Variants in HELZ2 observed in about 807,000 individuals in gnomAD.
The protein encoded by HELZ2 is 3'-5' exoribonuclease HELZ2.
Under a neutral mutation model 208.8 loss-of-function variants are expected in HELZ2, and 143 were observed. The observed-to-expected ratio is 0.68, with a 90% CI of 0.60 to 0.79. The LOEUF (loss-of-function observed/expected upper bound fraction) is 0.79, where lower values mean the gene tolerates loss of function less well. HELZ2 is among the 30% of genes least tolerant of loss of function. The pLI, the probability that HELZ2 is intolerant of heterozygous loss-of-function variation, is 0.00. For synonymous variants in HELZ2, 1,705 were observed against 1,693.7 expected (o/e 1.01, Z -0.16); for missense variants, 3,690 against 3,794.5 (o/e 0.97, Z 0.72).
chr20:63,573,348 T>G (rs556508508), upstream of HELZ2: 2 of 152,312 alleles, frequency 1.3e-5, no homozygotes, highest in East Asian at 3.9e-4. This position sits in a 1 kb window ranked among gnomAD's most constrained non-coding sequence, Gnocchi z 4.9. Flanking sequence ...AGCAGAGGCC[T>G]CTCCACCAAG....
chr20:63,564,326 T>TGCCGGCGCGGC lies in HELZ2; in HGVS notation c.4495_4496insGCCGCGCCGGC (p.His1499ArgfsTer31). On this transcript the variant is annotated frameshift_variant, in exon 8 of 19. Coordinates refer to ENST00000467148, the Ensembl canonical transcript of HELZ2. LOFTEE classifies it high-confidence loss of function. ...ATAGAAGCAGTCGGACCGCAGGCGG[T>TGCCGGCGCGGC]GCCGGCGCAGCAGCCGAGAGAAGTA... is the stretch of plus-strand genomic sequence containing the variant. The TGCCGGCGCGGC allele has an allele frequency of 6.3e-7, 1 of 1,589,058 alleles. No individual in the cohort carries two copies. The highest frequency in any genetic ancestry group is 8.6e-7 in the Non-Finnish European group (1 of 1,169,344).
At chr20:63,562,935 A>G in exon 8 of HELZ2, 1 of 1,592,592 alleles carries the variant, frequency 6.3e-7, no homozygotes, top group South Asian at 1.1e-5. Context: ...AGTGTGACGG[A>G]GTCATTCTCG....
chr20:63,562,754 C>A, exon 8 of HELZ2: 1 of 1,603,030 alleles, frequency 6.2e-7, no homozygotes, highest in South Asian at 1.1e-5. Context: ...GGGCCCAGGG[C>A]GTGGGCTGGC....
At chr20:63,567,365 G>T in exon 6 of HELZ2, 1 of 1,601,562 alleles carries the variant, frequency 6.2e-7, no homozygotes, top group Non-Finnish European at 8.5e-7. Flanking sequence ...TCATCGATGA[G>T]AATGTGGGAG....
Position 63,561,342 on chromosome 20 carries a change from C to A in HELZ2, c.6953+8G>T, listed in dbSNP as rs1278115771. 6.2e-7 allele frequency: 1 copy of A among 1,612,796 alleles called. No individual in the cohort carries two copies. Among genetic ancestry groups the A allele is most frequent in the African/African-American group, 1.3e-5 (1 of 74,952 alleles). ...AGGCAGCTCCACCCCCTGGCCCCTG[C>A]CACTTACCAGACCAGGTCCTCCCTG... On this transcript the variant is annotated splice_region_variant and intron_variant, in intron 13 of 18. Transcript: ENST00000467148.
chr20:63,566,494 T>C lies in HELZ2; in HGVS notation c.2515-41A>G, dbSNP rs373299327. Reference sequence around the variant, plus strand: ...GGCCGGGGATGAGTGCTGGACGCAGTGAGGACTCGGCCACCCCCGACAAGG... The same window carrying C: ...GGCCGGGGATGAGTGCTGGACGCAGCGAGGACTCGGCCACCCCCGACAAGG... On this transcript the variant is annotated intron_variant, in intron 6 of 18. Transcript: ENST00000467148. 7.2e-6 allele frequency: 11 copies of C among 1,517,310 alleles called. No homozygotes were observed. The African/African-American group carries it at 8.3e-5, about 11-fold the overall frequency. The allele number at this position is 1,517,310 out of a possible 1,614,324, so 94.0% of individuals were successfully genotyped here. A position where few individuals can be genotyped will look rare whatever the true frequency, so the allele number is the denominator to read the frequency against.
rs771742375 is a variant in HELZ2 at position 63,563,576 on chromosome 20, G to A, written c.5246C>T (p.Ala1749Val). 30 of 1,527,480 alleles carry A rather than the reference G, an allele frequency of 2.0e-5. No homozygotes were observed. Among genetic ancestry groups the A allele is most frequent in the South Asian group, 8.4e-5 (7 of 83,684 alleles). 94.6% of individuals were successfully genotyped at this position (1,527,480 alleles called of 1,614,324 possible). Residue 1749 changes from alanine (A) to valine (V), a missense_variant, in exon 8 of 19, where the codon GCG (alanine) becomes GTG (valine). Coordinates refer to ENST00000467148, the Ensembl canonical transcript of HELZ2. ...GAGCAGCCGGAAGCAGCGGGAGCCCGCCTCCACGTCCACCACGAAGCCCAG... is the reference window on the plus strand; with the variant it reads ...GAGCAGCCGGAAGCAGCGGGAGCCCACCTCCACGTCCACCACGAAGCCCAG...
Position 63,567,214 on chromosome 20 carries a change from G to A in HELZ2, c.2144C>T (p.Thr715Met), listed in dbSNP as rs756918303. The change falls in exon 6 of 19, where the codon ACG (threonine) becomes ATG (methionine). Residue 715 changes from threonine (T) to methionine (M), a missense_variant. Thr to Met is a moderately conservative substitution (Grantham distance 81, BLOSUM62 -1). Around this residue, in one of 3 missense-constraint regions of HELZ2, gnomAD observed 1,119 missense variants for 1,193.4 expected, o/e 0.94. Transcript: ENST00000467148. ...GCACAGGAAGAGGCGGTGCAGCAGC[G>A]TGTGCTCGGCCGCCCGGGCCCTGGC... 6.3e-5 allele frequency: 101 copies of A among 1,607,448 alleles called. No homozygotes were observed. Among genetic ancestry groups the A allele is most frequent in the Non-Finnish European group, 5.4e-5 (64 of 1,179,906 alleles).
chr20:63,565,572 T>C, exon 8 of HELZ2: 1 of 1,608,738 alleles, frequency 6.2e-7, no homozygotes, highest in Non-Finnish European at 8.5e-7. Flanking sequence ...ACCATCACCT[T>C]CTGGCTCTCG....
downstream of HELZ2, chr20:63,559,078 G>T: frequency 1.4e-6 from 1 of 713,546 alleles, no homozygotes; most frequent in Non-Finnish European, 2.2e-6. Context: ...TGTGGGGACC[G>T]GCCCTTGCCG....
At position 63,562,068 on chromosome 20, in the gene HELZ2, C is replaced by G. The variant is rs746774469; in HGVS notation, c.6529+4G>C. 6.9e-6 allele frequency: 11 copies of G among 1,602,900 alleles called. No homozygotes were observed. The highest frequency in any genetic ancestry group is 9.4e-6 in the Non-Finnish European group (11 of 1,175,036). On this transcript the variant is annotated splice_donor_region_variant and intron_variant, in intron 10 of 18. Transcript: ENST00000467148. Reference sequence around the variant, plus strand: ...GCCTGCGGCTCCCCCGGCATGGGCCCTACCTGGTGGGCCCTGAATGACCGT... The same window carrying G: ...GCCTGCGGCTCCCCCGGCATGGGCCGTACCTGGTGGGCCCTGAATGACCGT...
chr20:63,566,402 C>T (rs542179207), exon 7 of HELZ2: 1 of 1,548,390 alleles, frequency 6.5e-7, no homozygotes, highest in East Asian at 2.4e-5. Context: ...AAACTGCCGA[C>T]AGACACCTGG....
At chr20:63,563,054 A>G (rs745421461) in exon 8 of HELZ2, 4 of 1,599,664 alleles carry the variant, frequency 2.5e-6, no homozygotes, top group East Asian at 2.3e-5. Context: ...ACGGCCTGAG[A>G]AGCAGTCTCC....
chr20:63,560,755 G>C (rs1467973421), intron 15 of HELZ2, 40 bp downstream of exon 16: 2 of 1,605,050 alleles, frequency 1.2e-6, no homozygotes, highest in Non-Finnish European at 1.7e-6. Context: ...GGCCCCCCAG[G>C]GGCTGCAGGT....
chr20:63,559,329 G>C, exon 19 of HELZ2: 1 of 1,602,966 alleles, frequency 6.2e-7, no homozygotes, highest in Non-Finnish European at 8.5e-7. Context: ...AAGTCCAGGA[G>C]GCTACGCCAG....
At chr20:63,570,739 G>A (rs2146023011) in exon 2 of HELZ2, 1 of 1,608,294 alleles carries the variant, frequency 6.2e-7, no homozygotes, top group Non-Finnish European at 8.5e-7. Context: ...GCTCCTGGTA[G>A]GGCACCAGCC....
At position 63,562,455 on chromosome 20, in the gene HELZ2, C is replaced by T. The variant is rs775234724; in HGVS notation, c.6302+65G>A. 4.9e-4 allele frequency: 750 copies of T among 1,528,302 alleles called. 1 individual carries two copies. Among genetic ancestry groups the T allele is most frequent in the Non-Finnish European group, 5.9e-4 (674 of 1,140,102 alleles). 94.7% of individuals were successfully genotyped at this position (1,528,302 alleles called of 1,614,324 possible). On this transcript the variant is annotated intron_variant, in intron 8 of 18. Transcript: ENST00000467148. Reference sequence around the variant, plus strand: ...GGGGCTGCTGCCCCACGAGCTCCCCCCTCCTGCAAGTGAGGGGCCCGGGGC... The same window carrying T: ...GGGGCTGCTGCCCCACGAGCTCCCCTCTCCTGCAAGTGAGGGGCCCGGGGC...
Position 63,559,466 on chromosome 20 carries a change from G to A in HELZ2, c.7826-96C>T, listed in dbSNP as rs1227901082. ...TCAGGGTCAGGTGGGAGTCAGTCAG[G>A]GTCAGGTGGGAGGAGTCAGGGTCAG... On this transcript the variant is annotated intron_variant, in intron 18 of 18. Coordinates refer to ENST00000467148, the Ensembl canonical transcript of HELZ2. 446 of 1,005,728 alleles carry A rather than the reference G, an allele frequency of 4.4e-4. No homozygotes were observed. In the African/African-American group the frequency reaches 6.9e-3, roughly 16 times the overall value. The allele number at this position is 1,005,728 out of a possible 1,614,324, so 62.3% of individuals were successfully genotyped here. A position where few individuals can be genotyped will look rare whatever the true frequency, so the allele number is the denominator to read the frequency against.
chr20:63,567,981 AGGT>A (rs1226693654), intron 5 of HELZ2: 19 of 539,900 alleles, frequency 3.5e-5, no homozygotes, highest in Non-Finnish European at 5.2e-5. Flanking sequence ...CGGCCTGGGG[AGGT>A]GGTGGTGGCA....
Sources: allele counts gnomAD v4.1 joint callset, GRCh38; gene constraint gnomAD v4.1.1; regional missense constraint gnomAD v4.1.1; non-coding constraint Gnocchi (gnomAD v3.1); transcripts MANE v1.5; gene names NCBI Gene and HGNC (gene_info 2026-07-23, HGNC 2026-07-21).